Variants in PEX5 observed in about 807,000 individuals in gnomAD.
The protein encoded by PEX5 is PTS1 receptor.
PEX5 carries 52 observed loss-of-function variants against 82.9 expected under a neutral mutation model. The observed-to-expected ratio is 0.63, with a 90% confidence interval of 0.50 to 0.79. The LOEUF is 0.79. Ranked by LOEUF, PEX5 falls within the 30% of genes least tolerant of loss-of-function variation. The probability of loss-of-function intolerance (pLI) is 0.00; values close to 1 mark genes in which losing one functional copy is unlikely to be tolerated. For missense variants in PEX5, 719 were observed against 815.2 expected (o/e 0.88, Z 1.44); for synonymous variants, 300 against 318.8 (o/e 0.94, Z 0.63).
chr12:7,208,399 C>A, intron 12 of PEX5, 58 bp from the exon 13 acceptor site: 1 of 1,324,890 alleles, frequency 7.5e-7, no homozygotes, highest in South Asian at 1.2e-5. Context: ...CCAGGGTGCT[C>A]ACATGTGCCA....
intron 3 of PEX5, 25 bp from the exon 4 acceptor site, chr12:7,191,201 C>T (rs752629669): frequency 9.3e-6 from 15 of 1,614,132 alleles, no homozygotes; most frequent in Non-Finnish European, 1.3e-5. Context: ...CCTATGGGTT[C>T]ATTTCATCAT....
rs774676601 is a variant in PEX5, at chr12:7,199,008, C to T, written c.449-3C>T. The T allele has an allele frequency of 1.3e-6, 2 of 1,570,978 alleles. No individual in the cohort carries two copies. Among genetic ancestry groups the T allele is most frequent in the Admixed American group, 1.7e-5 (1 of 59,002 alleles). On this transcript the variant is annotated splice_region_variant and splice_polypyrimidine_tract_variant and intron_variant, in intron 5 of 15. Transcript: ENST00000675855. The stretch of plus-strand genomic sequence containing the variant: ...GATTTCCCCACTTCTCTGCTCCTTG[C>T]AGACCCCTTGTCTGTGTCCCCTGCC...
At chr12:7,200,772 T>G (rs756121545) in intron 6 of PEX5, among the ~76,000 whole-genome samples, 25 of 150,624 alleles carry the variant, frequency 1.7e-4, no homozygotes, top group African/African-American at 5.1e-4. Flanking sequence ...TGCCTGCAAT[T>G]GCAGGCACTC....
At chr12:7,189,970 C>A in intron 1 of PEX5, 1 of 1,494,480 alleles carries the variant, frequency 6.7e-7, no homozygotes, top group South Asian at 1.3e-5. Context: ...GCTGGGGCTG[C>A]GCGGGGCTAG....
At chr12:7,212,395 A>C (rs1203982012), downstream of PEX5, among the ~76,000 whole-genome samples, 1 of 148,948 alleles carries the variant, frequency 6.7e-6, no homozygotes, top group East Asian at 2.0e-4. Context: ...AAGTTCTGGG[A>C]TCACAGGGAG....
At chr12:7,195,809 A>G (rs975579474) in intron 5 of PEX5, among the ~76,000 whole-genome samples, 3 of 151,256 alleles carry the variant, frequency 2.0e-5, no homozygotes, top group Non-Finnish European at 4.4e-5. Flanking sequence ...GAATGGAACT[A>G]AGGAACTAGG....
chr12:7,197,428 T>A (rs774717675), intron 5 of PEX5, among the ~76,000 whole-genome samples: 1 of 121,256 alleles, frequency 8.2e-6, no homozygotes, highest in East Asian at 2.1e-4. Flanking sequence ...TTATATGTCA[T>A]ATACAATGTA....
intron 14 of PEX5, 93 bp downstream of exon 14, chr12:7,209,263 T>A: frequency 8.0e-7 from 1 of 1,255,766 alleles, no homozygotes; most frequent in Non-Finnish European, 1.1e-6. Flanking sequence ...TGCATGCCTG[T>A]AGTCCCAGCT....
chr12:7,201,270 T>C (rs987252591), intron 6 of PEX5, among the ~76,000 whole-genome samples: 2 of 117,718 alleles, frequency 1.7e-5, no homozygotes, highest in South Asian at 2.8e-4. Flanking sequence ...TACACATGTA[T>C]ACACACACAT....
chr12:7,208,360 ACT>A, intron 12 of PEX5, 95 bp from the exon 13 acceptor site: 1 of 869,110 alleles, frequency 1.2e-6, no homozygotes, highest in Non-Finnish European at 1.9e-6. Context: ...GGCCATTGTG[ACT>A]CTGCATTTCA....
chr12:7,201,132 CGTG>C, intron 6 of PEX5, among the ~76,000 whole-genome samples: 1 of 129,794 alleles, frequency 7.7e-6, no homozygotes, highest in Non-Finnish European at 1.7e-5. Flanking sequence ...TGCATGTGTG[CGTG>C]CACACACACA....
chr12:7,189,779 G>A, intron 1 of PEX5, 29 bp downstream of exon 1: 5 of 148,132 alleles, frequency 3.4e-5, no homozygotes, highest in Non-Finnish European at 6.5e-5. Context: ...GGGGGCCCGG[G>A]GCCGCGTCCC....
At chr12:7,201,222 T>TAC (rs1198718524) in intron 6 of PEX5, among the ~76,000 whole-genome samples, 6 of 150,730 alleles carry the variant, frequency 4.0e-5, no homozygotes, top group African/African-American at 9.7e-5. Context: ...TACATGTATA[T>TAC]ACACACGTAT....
At position 7,189,757 on chromosome 12, in the gene PEX5, G is replaced by C. The variant is rs975621719; in HGVS notation, c.-17+7G>C. On this transcript the variant is annotated splice_region_variant and intron_variant, in intron 1 of 15. Transcript: ENST00000675855. Reference sequence around the variant, plus strand: ...TGCGGCGCGGCGCTCCGCGGTGAGCGCCTGACCCCGAGGGGGCCCGGGGCC... The same window carrying C: ...TGCGGCGCGGCGCTCCGCGGTGAGCCCCTGACCCCGAGGGGGCCCGGGGCC... The C allele has an allele frequency of 1.1e-4, 49 of 457,392 alleles. No homozygotes were observed. The highest frequency in any genetic ancestry group is 9.9e-4 in the African/African-American group (48 of 48,534). The allele number at this position is 457,392 out of a possible 1,614,324, so 28.3% of individuals were successfully genotyped here.
chr12:7,202,817 A>G, intron 9 of PEX5, 113 bp downstream of exon 9: 1 of 837,610 alleles, frequency 1.2e-6, no homozygotes, highest in Non-Finnish European at 2.0e-6. Context: ...GACCTGGATC[A>G]TCTGTGTCAG....
downstream of PEX5, among the ~76,000 whole-genome samples, chr12:7,214,109 T>C (rs1252971295): frequency 6.6e-6 from 1 of 152,134 alleles, no homozygotes; most frequent in South Asian, 2.1e-4. Context: ...ATAGGAACAC[T>C]TTTACACTGT....
At chr12:7,199,934 C>T (rs1943484288) in intron 6 of PEX5, among the ~76,000 whole-genome samples, 1 of 109,304 alleles carries the variant, frequency 9.1e-6, no homozygotes, top group South Asian at 3.8e-4. Flanking sequence ...GGGGCTGACC[C>T]CCACCTCCCT....
rs1944254840 is a variant in PEX5 at position 7,202,707 on chromosome 12, G to A, written c.846+3G>A. 1 of 1,607,540 alleles carries A rather than the reference G, an allele frequency of 6.2e-7. No homozygotes were observed. The highest frequency in any genetic ancestry group is 8.5e-7 in the Non-Finnish European group (1 of 1,173,986). On this transcript the variant is annotated splice_donor_region_variant and intron_variant, in intron 9 of 15. Coordinates refer to ENST00000675855, the MANE Select transcript of PEX5 (RefSeq NM_001351132.2). ...AACGAGCCAAGTCAGCTATAGAGGT[G>A]AGAGCAGATAGTGCAGGAGCAGACA... is the stretch of plus-strand genomic sequence containing the variant.
At chr12:7,195,616 T>A (rs898219506) in intron 5 of PEX5, among the ~76,000 whole-genome samples, 1 of 151,458 alleles carries the variant, frequency 6.6e-6, no homozygotes, top group Non-Finnish European at 1.5e-5. Flanking sequence ...TTTTTCTGTT[T>A]TTTTTTTTTT....
Sources: gnomAD v4.1 joint callset for allele counts (sites outside exome capture counted in the v4.1 genomes callset) on GRCh38, gnomAD v4.1.1 for gene constraint, MANE v1.5 for transcripts, NCBI Gene and HGNC (gene_info 2026-07-23, HGNC 2026-07-21) for gene names.